Variants in HTR1F observed in about 807,000 individuals in gnomAD.
The protein encoded by HTR1F is 5-hydroxytryptamine receptor 1F, also known as 5-hydroxytryptamine (serotonin) receptor 1F, G protein-coupled.
Under a neutral mutation model 24.0 loss-of-function variants are expected in HTR1F, and 17 were observed. The ratio of observed to expected loss-of-function variants is 0.71; its 90% CI spans 0.48 to 1.06. The LOEUF (loss-of-function observed/expected upper bound fraction) is 1.06. Among genes scored for constraint, HTR1F ranks in the 50% least tolerant of loss-of-function variants. The probability of loss-of-function intolerance (pLI) is 0.00; values close to 1 mark genes in which losing one functional copy is unlikely to be tolerated. For missense variants in HTR1F, 391 were observed against 427.8 expected, an observed-to-expected ratio of 0.91 and a Z score of 0.76; for synonymous variants, 186 against 156.8, an observed-to-expected ratio of 1.19 and a Z score of -1.39.
intron 2 of HTR1F, among the ~76,000 whole-genome samples, chr3:87,951,294 A>C (rs1452350834): frequency 6.6e-6 from 1 of 152,200 alleles, no homozygotes; most frequent in Non-Finnish European, 1.5e-5. Flanking sequence ...TTATATATTA[A>C]AGTTTACTAT....
intron 2 of HTR1F, among the ~76,000 whole-genome samples, chr3:87,966,194 G>A (rs1217250677): frequency 6.6e-6 from 1 of 152,114 alleles, no homozygotes; most frequent in Non-Finnish European, 1.5e-5. Flanking sequence ...AGAAGCCAAG[G>A]ACCTTTCTCA....
intron 2 of HTR1F, among the ~76,000 whole-genome samples, chr3:87,833,675 A>G (rs1473470917): frequency 1.3e-5 from 2 of 152,010 alleles, no homozygotes; most frequent in African/African-American, 2.4e-5. Flanking sequence ...ATGTAGAGCT[A>G]GGGTTTCACT....
At chr3:87,975,499 G>A (rs1705374856) in intron 2 of HTR1F, among the ~76,000 whole-genome samples, 1 of 152,108 alleles carries the variant, frequency 6.6e-6, no homozygotes, top group Admixed American at 6.6e-5. Context: ...CTGAATCTCA[G>A]TGTTAGTATG....
intron 2 of HTR1F, among the ~76,000 whole-genome samples, chr3:87,863,458 G>C (rs1705360442): frequency 6.6e-6 from 1 of 152,120 alleles, no homozygotes; most frequent in Non-Finnish European, 1.5e-5. Context: ...GATAGCCTCA[G>C]CTAAATATCC....
intron 2 of HTR1F, among the ~76,000 whole-genome samples, chr3:87,869,152 A>G (rs957221454): frequency 1.3e-5 from 2 of 152,092 alleles, no homozygotes; most frequent in African/African-American, 2.4e-5. Context: ...GCATACAACA[A>G]CAAACATATA....
chr3:87,921,779 A>T (rs7629536), intron 2 of HTR1F, among the ~76,000 whole-genome samples: 66,158 of 151,642 alleles, frequency 0.44, 15,433 homozygotes, highest in African/African-American at 0.61. Context: ...ACTTCCATGA[A>T]CAACTTGTTT....
intron 2 of HTR1F, among the ~76,000 whole-genome samples, chr3:87,968,643 A>C: frequency 6.6e-6 from 1 of 152,256 alleles, no homozygotes; most frequent in East Asian, 1.9e-4. Context: ...GAGCATTAAA[A>C]GTTTGGAAAA....
intron 2 of HTR1F, among the ~76,000 whole-genome samples, chr3:87,943,558 G>C (rs1353075595): frequency 6.6e-6 from 1 of 151,750 alleles, no homozygotes; most frequent in Non-Finnish European, 1.5e-5. Flanking sequence ...GGTTGAAGGG[G>C]GGTCCTTATT....
intron 2 of HTR1F, among the ~76,000 whole-genome samples, chr3:87,918,755 C>T (rs564169820): frequency 4.9e-4 from 74 of 152,126 alleles, no homozygotes; most frequent in Non-Finnish European, 9.9e-4. Context: ...ACATCCCTTG[C>T]TCATGGATGA....
intron 2 of HTR1F, among the ~76,000 whole-genome samples, chr3:87,945,716 G>A (rs1200139831): frequency 6.6e-6 from 1 of 152,174 alleles, no homozygotes; most frequent in Non-Finnish European, 1.5e-5. Context: ...AAGTCCAGCA[G>A]CCACGCTAAT....
chr3:87,979,636 T>C (rs1419593538), intron 2 of HTR1F, among the ~76,000 whole-genome samples: 1 of 152,172 alleles, frequency 6.6e-6, no homozygotes, highest in Non-Finnish European at 1.5e-5. Flanking sequence ...TTTGCCTGAA[T>C]TTTACTCGGC....
chr3:87,881,009 C>T (rs905200636), intron 2 of HTR1F, among the ~76,000 whole-genome samples: 8 of 152,178 alleles, frequency 5.3e-5, no homozygotes, highest in African/African-American at 1.2e-4. Flanking sequence ...CCAGTGTGAG[C>T]GACACAGAAT....
intron 2 of HTR1F, among the ~76,000 whole-genome samples, chr3:87,961,629 T>A (rs1358700229): frequency 1.3e-5 from 2 of 151,986 alleles, no homozygotes; most frequent in African/African-American, 2.4e-5. Flanking sequence ...AACATAACTT[T>A]AAAATTTTTT....
chr3:87,849,797 A>C (rs1321699679), intron 2 of HTR1F, among the ~76,000 whole-genome samples: 1 of 151,896 alleles, frequency 6.6e-6, no homozygotes, highest in Non-Finnish European at 1.5e-5. Flanking sequence ...AGTGGGCGAA[A>C]GATATGAACA....
intron 2 of HTR1F, among the ~76,000 whole-genome samples, chr3:87,906,744 T>C (rs1489394122): frequency 1.3e-5 from 2 of 151,662 alleles, no homozygotes; most frequent in Non-Finnish European, 2.9e-5. Context: ...TCTTATGCCT[T>C]TGCATCCTCA....
chr3:87,799,879 C>T (rs1320381582), intron 1 of HTR1F, among the ~76,000 whole-genome samples: 1 of 152,116 alleles, frequency 6.6e-6, no homozygotes, highest in African/African-American at 2.4e-5. Context: ...CATAATTAAA[C>T]TCATCTTTCT....
At chr3:87,832,020 T>A (rs1202636478) in intron 2 of HTR1F, among the ~76,000 whole-genome samples, 1 of 152,116 alleles carries the variant, frequency 6.6e-6, no homozygotes, top group Non-Finnish European at 1.5e-5. Context: ...GAAACAGAAT[T>A]AGTAAGATTA....
chr3:87,946,627 A>ATTT lies in HTR1F; in HGVS notation c.-42-44068_-42-44066dup, dbSNP rs113993620. 6.7e-4 allele frequency among the ~76,000 whole-genome samples: 87 copies of ATTT among 129,154 alleles called. 1 individual carries two copies. The highest frequency in any genetic ancestry group is 2.9e-3 in the African/African-American group (84 of 28,636). The allele number at this position is 129,154 out of a possible 152,430, so 84.7% of individuals were successfully genotyped here. ...TGTGTGTGTGTATATATATATATAT[A>ATTT]TTTTTTTTTTTTTTTAAACAGTCTC... On this transcript the variant is annotated intron_variant, in intron 2 of 2. Transcript: ENST00000319595.
intron 1 of HTR1F, among the ~76,000 whole-genome samples, chr3:87,803,214 G>A (rs888655517): frequency 1.3e-5 from 2 of 152,044 alleles, no homozygotes; most frequent in Non-Finnish European, 2.9e-5. Flanking sequence ...TAAGATATCA[G>A]AAGAGAGAAA....
Sources: allele counts gnomAD v4.1 joint callset (sites outside exome capture counted in the v4.1 genomes callset), GRCh38; gene constraint gnomAD v4.1.1; transcripts MANE v1.5; gene names NCBI Gene and HGNC (gene_info 2026-07-23, HGNC 2026-07-21).